The following FBXW10 variants were observed in gnomAD, a reference collection of about 807,000 sequenced individuals.
The protein encoded by FBXW10 is F-box and WD repeat domain containing 10.
FBXW10 carries 68 observed loss-of-function variants against 113.1 expected under a neutral mutation model. The ratio of observed to expected loss-of-function variants is 0.60; its 90% CI spans 0.49 to 0.74. The LOEUF is 0.74. Ranked by LOEUF, FBXW10 falls within the 30% of genes least tolerant of loss-of-function variation. FBXW10 has a pLI of 0.00. For synonymous variants in FBXW10, 289 were observed against 481.6 expected (o/e 0.60, Z 5.24); for missense variants, 753 against 1,284.5 (o/e 0.59, Z 6.32).
At chr17:18,774,628 T>C (rs898296933) in intron 12 of FBXW10, among the ~76,000 whole-genome samples, 5 of 152,124 alleles carry the variant, frequency 3.3e-5, no homozygotes, top group Non-Finnish European at 7.4e-5. Flanking sequence ...ACCCCGTCTC[T>C]ACTAAAAATA....
Position 18,749,897 on chromosome 17 carries a change from C to T in FBXW10, c.846C>T (p.Pro282=), listed in dbSNP as rs1671268683. Residue 282 remains proline, a synonymous_variant, in exon 3 of 14, where the codon CCC becomes CCT. Transcript: ENST00000395665. ...ACCGAGACTTCATCCGTTACCTGCC[C>T]ATCCACCTCTCCAAGTACATTCTAA... The part of the protein sequence containing the change: ...SKYRDFIRYL[P]IHLSKYILRM... 1 of 1,613,804 alleles carries T rather than the reference C, an allele frequency of 6.2e-7. No individual in the cohort carries two copies. The highest frequency in any genetic ancestry group is 1.7e-5 in the Admixed American group (1 of 59,966).
chr17:18,777,696 G>A (rs531399998), intron 13 of FBXW10, among the ~76,000 whole-genome samples: 14 of 151,554 alleles, frequency 9.2e-5, no homozygotes, highest in Admixed American at 3.3e-4. Context: ...GGCGCCCGCC[G>A]CCATGCCGGG....
intron 12 of FBXW10, 26 bp from the exon 13 acceptor site, chr17:18,775,110 C>T (rs2035678464): frequency 1.9e-6 from 3 of 1,555,032 alleles, no homozygotes; most frequent in Admixed American, 1.7e-5. Flanking sequence ...ATAATGACTA[C>T]AGCTTCTTCC....
intron 2 of FBXW10, among the ~76,000 whole-genome samples, chr17:18,749,374 TAA>T (rs10580273): frequency 0.8 from 118,545 of 147,718 alleles, 47,962 homozygotes; most frequent in African/African-American, 0.86. Context: ...CCGCCTCTAC[TAA>T]AAAAAAAAAA....
At chr17:18,754,155 T>C (rs1376226610) in intron 5 of FBXW10, among the ~76,000 whole-genome samples, 8 of 151,548 alleles carry the variant, frequency 5.3e-5, no homozygotes, top group African/African-American at 1.9e-4. Context: ...TGTGAGAAAG[T>C]GGCCGAGGTC....
intron 8 of FBXW10, 88 bp from the exon 9 acceptor site, chr17:18,766,626 T>C (rs1367267261): frequency 2.1e-6 from 3 of 1,426,196 alleles, no homozygotes; most frequent in Non-Finnish European, 2.9e-6. Flanking sequence ...TCTTTGCTTC[T>C]GTGATGGGGA....
chr17:18,761,631 C>G (rs2035388077), intron 7 of FBXW10, among the ~76,000 whole-genome samples: 1 of 152,206 alleles, frequency 6.6e-6, no homozygotes, highest in South Asian at 2.1e-4. Flanking sequence ...AGTTTACCAA[C>G]TTTCAATAAA....
rs770473344 is a variant in FBXW10 at position 18,750,058 on chromosome 17, A to C, written c.920A>C (p.His307Pro). The change falls in exon 4 of 14, where the codon CAC becomes CCC. Residue 307 changes from histidine to proline, a missense_variant. By Grantham distance (77) the His-to-Pro change is moderately conservative (BLOSUM62 -2). Coordinates refer to ENST00000395665, the MANE Select transcript of FBXW10 (RefSeq NM_001267585.2). The stretch of plus-strand genomic sequence containing the variant: ...AACAAGTGCGCCTCTGTGAGCCAGC[A>C]CTGGGCCGCCATGGCTCAACAGGTC... ...TLNKCASVSQHWAAMAQQVKM... is the reference protein window; with the variant it reads ...TLNKCASVSQPWAAMAQQVKM... 1 of 1,613,434 alleles carries C rather than the reference A, an allele frequency of 6.2e-7. No homozygotes were observed. The highest frequency in any genetic ancestry group is 8.5e-7 in the Non-Finnish European group (1 of 1,179,876).
chr17:18,768,779 C>T (rs1597602086), intron 10 of FBXW10, 103 bp downstream of exon 10: 8 of 1,208,580 alleles, frequency 6.6e-6, no homozygotes, highest in East Asian at 2.5e-5. Flanking sequence ...CTGTAGACAT[C>T]GTGTTCTCTG....
intron 7 of FBXW10, among the ~76,000 whole-genome samples, chr17:18,759,131 C>T (rs1832951925): frequency 6.6e-6 from 1 of 152,058 alleles, no homozygotes; most frequent in Non-Finnish European, 1.5e-5. Flanking sequence ...GATGGTGCCA[C>T]TACACTCCAG....
chr17:18,769,875 C>G, intron 10 of FBXW10, 52 bp from the exon 11 acceptor site: 1 of 1,591,470 alleles, frequency 6.3e-7, no homozygotes, highest in Middle Eastern at 1.7e-4. Context: ...ACAAACAAAC[C>G]CAGGCATTTT....
chr17:18,748,408 C>CAAAAAAA (rs57336039), intron 2 of FBXW10, among the ~76,000 whole-genome samples: 131 of 51,358 alleles, frequency 2.6e-3, no homozygotes, highest in African/African-American at 4.6e-3. Flanking sequence ...GAGACTGTCT[C>CAAAAAAA]AAAAAAAAAA....
chr17:18,759,705 C>T (rs1349082254), intron 7 of FBXW10, among the ~76,000 whole-genome samples: 3 of 152,078 alleles, frequency 2.0e-5, no homozygotes, highest in African/African-American at 7.2e-5. Context: ...CTCCACCTCC[C>T]AGGTTCACAC....
intron 5 of FBXW10, among the ~76,000 whole-genome samples, chr17:18,753,089 G>T (rs2035199133): frequency 6.6e-6 from 1 of 152,122 alleles, no homozygotes; most frequent in Non-Finnish European, 1.5e-5. Flanking sequence ...TCCCTTTCTA[G>T]TCTCATGCAT....
Position 18,744,650 on chromosome 17 carries a change from T to C in FBXW10, c.406T>C (p.Tyr136His). 6.2e-7 allele frequency: 1 copy of C among 1,613,910 alleles called. No homozygotes were observed. Among genetic ancestry groups the C allele is most frequent in the Non-Finnish European group, 8.5e-7 (1 of 1,179,862 alleles). The part of the protein sequence containing the change: ...ANSTQWTKAN[Y>H]TLLLLQMCNP... ...CAGCACCCAGTGGACCAAGGCGAAT[T>C]ATACTCTCTTACTGCTGCAGATGTG... Residue 136 changes from tyrosine to histidine, a missense_variant, in exon 1 of 14, where the codon TAT becomes CAT. By Grantham distance (83) the Tyr-to-His change is moderately conservative. Coordinates refer to ENST00000395665, the MANE Select transcript of FBXW10 (RefSeq NM_001267585.2).
chr17:18,755,027 C>T (rs1567617490), intron 5 of FBXW10, among the ~76,000 whole-genome samples: 1 of 152,136 alleles, frequency 6.6e-6, no homozygotes, highest in South Asian at 2.1e-4. Context: ...CTTTGGGAGG[C>T]TGAGGCAGGC....
Position 18,756,096 on chromosome 17 carries a change from C to G in FBXW10, c.1174C>G (p.Leu392Val). 5.0e-6 allele frequency: 8 copies of G among 1,613,980 alleles called. No homozygotes were observed. Among genetic ancestry groups the G allele is most frequent in the Non-Finnish European group, 5.9e-6 (7 of 1,179,868 alleles). The change falls in exon 6 of 14, where the codon CTG (leucine) becomes GTG (valine). Residue 392 changes from leucine to valine, a missense_variant. Coordinates refer to ENST00000395665, the MANE Select transcript of FBXW10 (RefSeq NM_001267585.2). ...AYQNEETQQV[L>V]IEERNVFCGT... ...CCAGAACGAGGAAACGCAGCAGGTCCTGATAGAGGAGAGAAATGTTTTCTG... is the reference window on the plus strand; with the variant it reads ...CCAGAACGAGGAAACGCAGCAGGTCGTGATAGAGGAGAGAAATGTTTTCTG...
intron 6 of FBXW10, among the ~76,000 whole-genome samples, chr17:18,757,817 C>T (rs889164181): frequency 1.3e-5 from 2 of 152,180 alleles, no homozygotes; most frequent in African/African-American, 4.8e-5. Flanking sequence ...AAGTAAGGTC[C>T]TTATCTGATA....
chr17:18,772,734 G>C (rs1383013142), intron 12 of FBXW10, 51 bp downstream of exon 12: 2 of 1,507,162 alleles, frequency 1.3e-6, no homozygotes, highest in Admixed American at 1.9e-5. Context: ...AGAGCAGGTC[G>C]GGGTTTGGTG....
Sources: allele counts gnomAD v4.1 joint callset (sites outside exome capture counted in the v4.1 genomes callset), GRCh38; gene constraint gnomAD v4.1.1; transcripts MANE v1.5; gene names NCBI Gene and HGNC (gene_info 2026-07-23, HGNC 2026-07-21).